ISM1: variants seen among roughly 807,000 people sequenced by gnomAD.
The protein encoded by ISM1 is isthmin 1.
Under a neutral mutation model 46.3 loss-of-function variants are expected in ISM1, and 25 were observed. That is an observed-to-expected ratio of 0.54 (90% CI 0.39 to 0.75). The LOEUF is 0.75. ISM1 is among the 30% of genes least tolerant of loss of function. The pLI is 0.00. For synonymous variants in ISM1, 255 were observed against 256.7 expected, an observed-to-expected ratio of 0.99 and a Z score of 0.06; for missense variants, 536 against 625.4, an observed-to-expected ratio of 0.86 and a Z score of 1.52.
chr20:13,324,700 A>C, the ISM1 span, among the ~76,000 whole-genome samples: 1 of 152,230 alleles, frequency 6.6e-6, no homozygotes, highest in Non-Finnish European at 1.5e-5. Flanking sequence ...TCAATTTTCC[A>C]GGCATAATCT....
the ISM1 span, among the ~76,000 whole-genome samples, chr20:13,312,231 T>A: frequency 6.6e-6 from 1 of 152,294 alleles, no homozygotes; most frequent in South Asian, 2.1e-4. Context: ...AATTATGCTG[T>A]GAGTTTAGAT....
chr20:13,254,890 T>C (rs949850701), intron 1 of ISM1, among the ~76,000 whole-genome samples: 23 of 152,208 alleles, frequency 1.5e-4, no homozygotes, highest in Non-Finnish European at 1.6e-4. Context: ...TGTCATTCCT[T>C]CCTTTTCCAT....
chr20:13,314,494 GA>G, the ISM1 span, among the ~76,000 whole-genome samples: 3 of 150,992 alleles, frequency 2.0e-5, no homozygotes, highest in African/African-American at 7.3e-5. Flanking sequence ...TTGAGAGAGA[GA>G]AAAAAAACCA....
chr20:13,287,718 AG>A lies in ISM1; in HGVS notation c.644-819del, dbSNP rs1161654999. On this transcript the variant is annotated intron_variant, in intron 3 of 5. Coordinates refer to ENST00000262487, the MANE Select transcript of ISM1 (RefSeq NM_080826.2). ...CAAGAATTGTGCCTGACATACAAAA[AG>A]GGTTCAATAGGTATTCACTGGATGG... is the stretch of plus-strand genomic sequence containing the variant. Among the ~76,000 whole-genome samples, 3 of 152,218 alleles carry A rather than the reference AG, an allele frequency of 2.0e-5. No homozygotes were observed. In the East Asian group the frequency reaches 5.8e-4, roughly 29 times the overall value.
downstream of ISM1, among the ~76,000 whole-genome samples, chr20:13,303,372 A>G (rs957090570): frequency 6.6e-6 from 1 of 152,246 alleles, no homozygotes; most frequent in African/African-American, 2.4e-5. Flanking sequence ...TTGTGGTTCT[A>G]TAGCTGAGCC....
intron 1 of ISM1, among the ~76,000 whole-genome samples, chr20:13,258,118 G>A (rs1421302889): frequency 4.6e-5 from 7 of 152,074 alleles, no homozygotes; most frequent in Admixed American, 3.3e-4. Flanking sequence ...GCATACCTGT[G>A]TCCCCCAAAC....
intron 1 of ISM1, among the ~76,000 whole-genome samples, chr20:13,258,973 G>A (rs2039957544): frequency 6.6e-6 from 1 of 152,086 alleles, no homozygotes; most frequent in Non-Finnish European, 1.5e-5. Flanking sequence ...TACAGATGGC[G>A]AGCTGTGGTA....
At chr20:13,316,726 C>G in the ISM1 span, among the ~76,000 whole-genome samples, 1 of 151,462 alleles carries the variant, frequency 6.6e-6, no homozygotes, top group Non-Finnish European at 1.5e-5. Flanking sequence ...TGACAAAATT[C>G]AACACCCATT....
At chr20:13,252,076 G>A (rs1296712730) in intron 1 of ISM1, among the ~76,000 whole-genome samples, 1 of 152,158 alleles carries the variant, frequency 6.6e-6, no homozygotes, top group African/African-American at 2.4e-5. Flanking sequence ...TCTGAAAAGA[G>A]CATTTTCTTG....
At chr20:13,294,090 G>A (rs2040382971) in intron 5 of ISM1, among the ~76,000 whole-genome samples, 1 of 152,244 alleles carries the variant, frequency 6.6e-6, no homozygotes, top group African/African-American at 2.4e-5. Flanking sequence ...GGTCGGCCAT[G>A]ATGTGGCCGC....
At chr20:13,247,375 CTGACCCCTGATTCA>C (rs1039961553) in intron 1 of ISM1, among the ~76,000 whole-genome samples, 5 of 152,160 alleles carry the variant, frequency 3.3e-5, no homozygotes, top group Non-Finnish European at 7.3e-5. Flanking sequence ...GTGTCCCTTC[CTGACCCCTGATTCA>C]TGTCTGCCCA....
chr20:13,307,662 G>A, the ISM1 span, among the ~76,000 whole-genome samples: 1 of 152,156 alleles, frequency 6.6e-6, no homozygotes, highest in Non-Finnish European at 1.5e-5. Flanking sequence ...GTCTGATTTT[G>A]ACCTTCGGGT....
intron 5 of ISM1, among the ~76,000 whole-genome samples, chr20:13,294,839 G>A (rs1043374215): frequency 2.6e-5 from 4 of 152,096 alleles, no homozygotes; most frequent in African/African-American, 9.7e-5. Flanking sequence ...CTATTTTTAT[G>A]CCCAAATTAC....
At chr20:13,235,892 G>A (rs1259736543) in intron 1 of ISM1, among the ~76,000 whole-genome samples, 1 of 151,962 alleles carries the variant, frequency 6.6e-6, no homozygotes, top group Non-Finnish European at 1.5e-5. Flanking sequence ...GGGGACAGGA[G>A]TTCCAAAGCT....
At chr20:13,307,978 T>C in the ISM1 span, among the ~76,000 whole-genome samples, 1 of 152,224 alleles carries the variant, frequency 6.6e-6, no homozygotes, top group Non-Finnish European at 1.5e-5. Flanking sequence ...ACAGCTTTAG[T>C]TGATACTGCC....
intron 1 of ISM1, among the ~76,000 whole-genome samples, chr20:13,227,780 T>A (rs2039544103): frequency 1.3e-5 from 2 of 152,116 alleles, no homozygotes; most frequent in South Asian, 4.1e-4. Context: ...AGTGCTGGGA[T>A]TACAGGTGTG....
intron 1 of ISM1, among the ~76,000 whole-genome samples, chr20:13,223,157 AAAAAAAAAAT>A (rs896066692): frequency 1.8e-4 from 23 of 125,200 alleles, no homozygotes; most frequent in Non-Finnish European, 3.2e-4. Context: ...ACTCCGTCTC[AAAAAAAAAAT>A]AAAATAAAAT....
intron 1 of ISM1, among the ~76,000 whole-genome samples, chr20:13,269,768 T>A (rs539958785): frequency 6.6e-6 from 1 of 152,318 alleles, no homozygotes; most frequent in South Asian, 2.1e-4. Flanking sequence ...CAGTCACCGT[T>A]CTTTGATCTG....
At chr20:13,260,694 G>A (rs1031987954) in intron 1 of ISM1, among the ~76,000 whole-genome samples, 1 of 151,902 alleles carries the variant, frequency 6.6e-6, no homozygotes, top group African/African-American at 2.4e-5. Flanking sequence ...GCTGAATAGA[G>A]TGAGAGGCTT....
Sources: gnomAD v4.1 joint callset for allele counts (sites outside exome capture counted in the v4.1 genomes callset) on GRCh38, gnomAD v4.1.1 for gene constraint, MANE v1.5 for transcripts, NCBI Gene and HGNC (gene_info 2026-07-23, HGNC 2026-07-21) for gene names.